AGBL4: variants seen among roughly 807,000 people sequenced by gnomAD.
AGBL4 encodes AGBL carboxypeptidase 4, also known as cytosolic carboxypeptidase 6.
In AGBL4, 58 loss-of-function variants were observed where a neutral mutation model predicts 66.4. The ratio of observed to expected loss-of-function variants is 0.87; its 90% CI spans 0.71 to 1.09. The LOEUF is 1.09. Ranked by LOEUF, AGBL4 falls within the 50% of genes least tolerant of loss-of-function variation. The pLI, the probability that AGBL4 is intolerant of heterozygous loss-of-function variation, is 0.00. For synonymous variants in AGBL4, 234 were observed against 222.9 expected (o/e 1.05, Z -0.44); for missense variants, 579 against 631.0 (o/e 0.92, Z 0.88).
intron 6 of AGBL4, among the ~76,000 whole-genome samples, chr1:48,743,243 C>T (rs976117894): frequency 1.3e-5 from 2 of 152,156 alleles, no homozygotes; most frequent in African/African-American, 4.8e-5. Flanking sequence ...CTCCCCAAGA[C>T]CTAGTATCTA....
At chr1:49,736,409 C>T (rs1649893486) in intron 2 of AGBL4, among the ~76,000 whole-genome samples, 1 of 151,710 alleles carries the variant, frequency 6.6e-6, no homozygotes, top group African/African-American at 2.4e-5. Context: ...CACAATGATA[C>T]AAAATTATAA....
chr1:49,978,269 C>A (rs573941805), intron 1 of AGBL4, among the ~76,000 whole-genome samples: 1 of 152,114 alleles, frequency 6.6e-6, no homozygotes, highest in Non-Finnish European at 1.5e-5. Flanking sequence ...GGCAACATAG[C>A]AAGATCCTGT....
chr1:49,285,221 C>G (rs1347303687), intron 3 of AGBL4, among the ~76,000 whole-genome samples: 14 of 152,146 alleles, frequency 9.2e-5, no homozygotes, highest in East Asian at 1.9e-4. Context: ...GAATCTCACT[C>G]AAAACCGCTC....
At chr1:48,539,814 A>G (rs993576174) in intron 11 of AGBL4, 76 bp from the exon 12 acceptor site, 132 of 971,212 alleles carry the variant, frequency 1.4e-4, no homozygotes, top group Admixed American at 4.0e-4. Context: ...TAATAAAAAT[A>G]ATAACAGTAA....
rs371338470 is a variant in AGBL4 at position 48,660,923 on chromosome 1, T to C, written c.724+2229A>G. On this transcript the variant is annotated intron_variant, in intron 7 of 13. Transcript: ENST00000371839. ...AAGGGAACATGTACAGGCTTGGGAG[T>C]TAGCTAGACCTAGGTTAAAAGCCCC... 1.4e-3 allele frequency among the ~76,000 whole-genome samples: 219 copies of C among 152,196 alleles called. 3 individuals are homozygous for C. In the South Asian group the frequency reaches 0.041, roughly 29 times the overall value.
intron 2 of AGBL4, among the ~76,000 whole-genome samples, chr1:49,713,421 CA>C (rs1647826990): frequency 6.6e-6 from 1 of 152,016 alleles, no homozygotes; most frequent in South Asian, 2.1e-4. Context: ...CTATACAATT[CA>C]TTGACAGATT....
chr1:49,857,172 C>T (rs79361784), intron 1 of AGBL4, among the ~76,000 whole-genome samples: 8,095 of 151,830 alleles, frequency 0.053, 242 homozygotes, highest in African/African-American at 0.071. Context: ...ATTTAACCAA[C>T]GGGCTGAAAG....
At chr1:49,886,447 TAAG>T (rs942689860) in intron 1 of AGBL4, among the ~76,000 whole-genome samples, 5 of 152,090 alleles carry the variant, frequency 3.3e-5, no homozygotes, top group Non-Finnish European at 5.9e-5. Flanking sequence ...TATGATATGC[TAAG>T]AAGGTTAGAT....
chr1:48,978,693 T>G (rs1051372486), intron 5 of AGBL4, among the ~76,000 whole-genome samples: 3 of 152,168 alleles, frequency 2.0e-5, no homozygotes, highest in African/African-American at 7.2e-5. Flanking sequence ...CCTAGTAACA[T>G]TTTCCATATA....
intron 5 of AGBL4, among the ~76,000 whole-genome samples, chr1:48,961,532 AG>A (rs1657977044): frequency 6.6e-6 from 1 of 152,232 alleles, no homozygotes; most frequent in African/African-American, 2.4e-5. Context: ...AGTGGACTAC[AG>A]GGTCACAGTA....
chr1:49,989,284 T>C (rs998248297), intron 1 of AGBL4, among the ~76,000 whole-genome samples: 2 of 152,074 alleles, frequency 1.3e-5, no homozygotes, highest in Admixed American at 6.6e-5. Context: ...GCATCTGAAA[T>C]GTAGAGAAGG....
chr1:48,680,560 G>A (rs1360899837), intron 6 of AGBL4, among the ~76,000 whole-genome samples: 1 of 152,186 alleles, frequency 6.6e-6, no homozygotes, highest in African/African-American at 2.4e-5. Flanking sequence ...CTTAGCCCCA[G>A]GAAGTTAGAA....
At chr1:49,533,377 T>A (rs914279562) in intron 3 of AGBL4, among the ~76,000 whole-genome samples, 1 of 152,194 alleles carries the variant, frequency 6.6e-6, no homozygotes, top group Non-Finnish European at 1.5e-5. Context: ...ATCCTGGTAA[T>A]GATCTAAATT....
At position 49,306,099 on chromosome 1, in the gene AGBL4, T is replaced by C. The variant is rs547062852; in HGVS notation, c.283-60235A>G. Among the ~76,000 whole-genome samples the C allele has an allele frequency of 6.6e-5, 10 of 152,318 alleles. No individual in the cohort carries two copies. The South Asian group carries it at 1.9e-3, about 28-fold the overall frequency. On this transcript the variant is annotated intron_variant, in intron 3 of 13. Coordinates refer to ENST00000371839, the MANE Select transcript of AGBL4 (RefSeq NM_032785.4). Reference sequence around the variant, plus strand: ...CTTTTCATCTTTTTCATCTGAATGGTTTTATACATAGGAGGCTTTTACAAT... The same window carrying C: ...CTTTTCATCTTTTTCATCTGAATGGCTTTATACATAGGAGGCTTTTACAAT...
intron 6 of AGBL4, among the ~76,000 whole-genome samples, chr1:48,767,835 A>T (rs1644604859): frequency 6.6e-6 from 1 of 152,158 alleles, no homozygotes; most frequent in Non-Finnish European, 1.5e-5. Context: ...ACCACCAAAG[A>T]TTTGGGCATT....
intron 3 of AGBL4, among the ~76,000 whole-genome samples, chr1:49,290,908 G>A (rs1311335570): frequency 6.6e-6 from 1 of 152,186 alleles, no homozygotes; most frequent in Non-Finnish European, 1.5e-5. Flanking sequence ...TGCTTTGGTG[G>A]TTGAGGTAGG....
intron 2 of AGBL4, among the ~76,000 whole-genome samples, chr1:49,713,628 A>T (rs946651967): frequency 6.6e-6 from 1 of 152,038 alleles, no homozygotes; most frequent in Non-Finnish European, 1.5e-5. Context: ...ATACACACAC[A>T]TACATAAACA....
At chr1:49,881,649 A>AT (rs1474399954) in intron 1 of AGBL4, among the ~76,000 whole-genome samples, 4 of 150,450 alleles carry the variant, frequency 2.7e-5, no homozygotes, top group South Asian at 2.1e-4. Flanking sequence ...GATGATGAGC[A>AT]TTTTTTCATG....
downstream of AGBL4, among the ~76,000 whole-genome samples, chr1:48,527,867 C>T (rs1008409783): frequency 6.6e-6 from 1 of 152,074 alleles, no homozygotes; most frequent in South Asian, 2.1e-4. Flanking sequence ...TATCCAGGCT[C>T]CTGGCTTGGA....
Sources: allele counts gnomAD v4.1 joint callset (sites outside exome capture counted in the v4.1 genomes callset), GRCh38; gene constraint gnomAD v4.1.1; transcripts MANE v1.5; gene names NCBI Gene and HGNC (gene_info 2026-07-23, HGNC 2026-07-21).